Variants in C16orf95 observed in about 807,000 individuals in gnomAD.
C16orf95 encodes the protein chromosome 16 open reading frame 95.
Under a neutral mutation model 32.1 loss-of-function variants are expected in C16orf95, and 41 were observed. The ratio of observed to expected loss-of-function variants is 1.28; its 90% CI spans 1.00 to 1.66. The LOEUF (loss-of-function observed/expected upper bound fraction) is 1.66, where lower values mean the gene tolerates loss of function less well. Among genes scored for constraint, C16orf95 ranks in the 40% most tolerant of loss-of-function variants. C16orf95 has a pLI of 0.00. For missense variants in C16orf95, 399 were observed against 325.9 expected (o/e 1.22, Z -1.73); for synonymous variants, 147 against 128.9 (o/e 1.14, Z -0.95).
chr16:87,313,468 T>C (rs986755287), intron 3 of C16orf95, among the ~76,000 whole-genome samples: 17 of 152,204 alleles, frequency 1.1e-4, no homozygotes, highest in African/African-American at 3.6e-4. Flanking sequence ...TGGTGGCAGC[T>C]CATGCCTGTA....
chr16:87,315,948 TGGGG>T, intron 1 of C16orf95, 125 bp from the exon 2 acceptor site: 1 of 530,258 alleles, frequency 1.9e-6, no homozygotes, highest in Non-Finnish European at 3.1e-6. Flanking sequence ...GTGGTGGGGA[TGGGG>T]GGATCCTCTG....
At chr16:87,307,486 C>T (rs149582811) in intron 5 of C16orf95, among the ~76,000 whole-genome samples, 1,908 of 152,282 alleles carry the variant, frequency 0.013, 19 homozygotes, top group Non-Finnish European at 0.02. Context: ...AGGCCAGGCA[C>T]GGTGGCTCAC....
intron 5 of C16orf95, among the ~76,000 whole-genome samples, chr16:87,309,059 C>G (rs771626155): frequency 2.0e-5 from 3 of 152,194 alleles, no homozygotes; most frequent in Non-Finnish European, 4.4e-5. Flanking sequence ...AGTCACCCAT[C>G]TGGAAACTGC....
chr16:87,304,556 C>G (rs1209592575), intron 6 of C16orf95, among the ~76,000 whole-genome samples: 2 of 152,264 alleles, frequency 1.3e-5, no homozygotes, highest in African/African-American at 2.4e-5. Context: ...CGCTGTTGCC[C>G]AGGTACTGCT....
In C16orf95 at chr16:87,305,623, C is replaced by G; in HGVS notation, c.701+96G>C. 1 of 1,152,692 alleles carries G rather than the reference C, an allele frequency of 8.7e-7. No homozygotes were observed. The highest frequency in any genetic ancestry group is 1.2e-6 in the Non-Finnish European group (1 of 847,470). The allele number at this position is 1,152,692 out of a possible 1,614,324, so 71.4% of individuals were successfully genotyped here. A position where few individuals can be genotyped will look rare whatever the true frequency, so the allele number is the denominator to read the frequency against. On this transcript the variant is annotated intron_variant, in intron 6 of 6. Coordinates refer to ENST00000567970, the MANE Select transcript of C16orf95 (RefSeq NM_001195124.3). The surrounding 1 kb of genome is among the most constrained non-coding windows in gnomAD (Gnocchi z 4.2). ...ACGCCTGTCAAGTTAAGCCCCACCC[C>G]CCACTCTTCCACATCCCTGATGGCC...
chr16:87,312,916 A>G (rs1911348276), intron 3 of C16orf95, among the ~76,000 whole-genome samples: 1 of 152,238 alleles, frequency 6.6e-6, no homozygotes, highest in African/African-American at 2.4e-5. Context: ...TTGAAATTCA[A>G]AAACAATGTC....
At chr16:87,307,903 C>A (rs1911097663) in intron 5 of C16orf95, among the ~76,000 whole-genome samples, 1 of 152,334 alleles carries the variant, frequency 6.6e-6, no homozygotes, top group East Asian at 1.9e-4. Flanking sequence ...GGAATTTAAC[C>A]ACATCAATGC....
rs530377823 is a variant in C16orf95 at position 87,306,051 on chromosome 16, C to T, written c.515-146G>A. ...CAGCCCCGGGGTGGGGACACTGACC[C>T]GGAGCTCACGAGATAAAGGCCGTCT... On this transcript the variant is annotated intron_variant, in intron 5 of 6. Transcript: ENST00000567970. The T allele has an allele frequency of 2.3e-4, 122 of 522,724 alleles. No homozygotes were observed. The South Asian group carries it at 3.0e-3, about 13-fold the overall frequency. The allele number at this position is 522,724 out of a possible 1,614,324, so 32.4% of individuals were successfully genotyped here. A position where few individuals can be genotyped will look rare whatever the true frequency, so the allele number is the denominator to read the frequency against.
At chr16:87,316,521 T>C (rs955012192) in intron 1 of C16orf95, among the ~76,000 whole-genome samples, 1 of 152,210 alleles carries the variant, frequency 6.6e-6, no homozygotes, top group Non-Finnish European at 1.5e-5. Context: ...ATTGCTATTT[T>C]TGTGAGAGTA....
chr16:87,311,867 TA>T (rs1181177996), intron 3 of C16orf95, among the ~76,000 whole-genome samples: 4 of 152,162 alleles, frequency 2.6e-5, no homozygotes, highest in Non-Finnish European at 5.9e-5. Context: ...TACCTTTCAG[TA>T]AGAGACAATA....
chr16:87,303,189 G>A, intron 6 of C16orf95, 114 bp from the exon 7 acceptor site: 1 of 1,025,066 alleles, frequency 9.8e-7, no homozygotes, highest in Middle Eastern at 2.2e-4. Context: ...GCTCCACAGT[G>A]CACAGGGCTG....
In C16orf95 at chr16:87,303,019, T is replaced by C; in HGVS notation, c.*38A>G. ...TCAAAGATCTTGATCGTGACACATTTTTGTGGCTGTTCTTGACAGTAGCTG... is the reference window on the plus strand; with the variant it reads ...TCAAAGATCTTGATCGTGACACATTCTTGTGGCTGTTCTTGACAGTAGCTG... On this transcript the variant is annotated 3_prime_UTR_variant, in exon 7 of 7. Coordinates refer to ENST00000567970, the MANE Select transcript of C16orf95 (RefSeq NM_001195124.3). 2 of 1,534,894 alleles carry C rather than the reference T, an allele frequency of 1.3e-6. No individual in the cohort carries two copies. The highest frequency in any genetic ancestry group is 1.7e-4 in the Middle Eastern group (1 of 5,990).
intron 3 of C16orf95, among the ~76,000 whole-genome samples, chr16:87,312,455 G>C (rs1911325133): frequency 6.6e-6 from 1 of 151,582 alleles, no homozygotes; most frequent in Admixed American, 6.6e-5. Flanking sequence ...TGTAATCTCA[G>C]CTACCCGGGA....
chr16:87,309,348 A>T (rs1597344228), intron 5 of C16orf95, among the ~76,000 whole-genome samples: 1 of 116,560 alleles, frequency 8.6e-6, no homozygotes, highest in African/African-American at 3.5e-5. Context: ...TTTTTATTAT[A>T]TGCATTTTCT....
chr16:87,315,106 A>T lies in C16orf95; in HGVS notation c.205-10T>A. The T allele has an allele frequency of 6.5e-7, 1 of 1,535,718 alleles. No homozygotes were observed. On this transcript the variant is annotated splice_polypyrimidine_tract_variant and intron_variant, in intron 2 of 6. Transcript: ENST00000567970. ...AGGGGCCAGGGTGCATCTGAGTAAG[A>T]TCCAGAAATGACAGAACTGAGCTTG...
rs1910981924 is a variant in C16orf95, at chr16:87,305,590, G to A, written c.701+129C>T. On this transcript the variant is annotated intron_variant, in intron 6 of 6. Transcript: ENST00000567970. This position sits in a 1 kb window ranked among gnomAD's most constrained non-coding sequence, Gnocchi z 4.2. Reference sequence around the variant, plus strand: ...ACCACAGGACACACTCACAGTGCCGGGCCTTGGACGCCTGTCAAGTTAAGC... The same window carrying A: ...ACCACAGGACACACTCACAGTGCCGAGCCTTGGACGCCTGTCAAGTTAAGC... The A allele has an allele frequency of 4.1e-6, 3 of 731,530 alleles. No individual in the cohort carries two copies. Among genetic ancestry groups the A allele is most frequent in the Non-Finnish European group, 6.2e-6 (3 of 482,490 alleles). The allele number at this position is 731,530 out of a possible 1,614,324, so 45.3% of individuals were successfully genotyped here. A position where few individuals can be genotyped will look rare whatever the true frequency, so the allele number is the denominator to read the frequency against.
intron 3 of C16orf95, among the ~76,000 whole-genome samples, chr16:87,311,933 G>C (rs753258421): frequency 9.9e-5 from 15 of 152,194 alleles, no homozygotes; most frequent in Non-Finnish European, 1.9e-4. Flanking sequence ...ATGGAACAGA[G>C]CTGTCCGGAC....
At chr16:87,310,179 C>T (rs528798486) in intron 5 of C16orf95, 118 bp downstream of exon 5, 1 of 1,026,400 alleles carries the variant, frequency 9.7e-7, no homozygotes, top group East Asian at 2.6e-5. Flanking sequence ...ATTCATGTCA[C>T]TGTCACACTG....
At chr16:87,306,018 C>T in intron 5 of C16orf95, 113 bp from the exon 6 acceptor site, 2 of 801,718 alleles carry the variant, frequency 2.5e-6, no homozygotes, top group African/African-American at 1.8e-5. Context: ...ACTTCCAGGA[C>T]CCAGCCACAG....
Sources: gnomAD v4.1 joint callset for allele counts (sites outside exome capture counted in the v4.1 genomes callset) on GRCh38, gnomAD v4.1.1 for gene constraint, Gnocchi (gnomAD v3.1) non-coding constraint, MANE v1.5 for transcripts, NCBI Gene and HGNC (gene_info 2026-07-23, HGNC 2026-07-21) for gene names.